Variants in ACSS3 observed in about 807,000 individuals in gnomAD.
ACSS3 encodes acyl-CoA synthetase short-chain family member 3, mitochondrial.
A neutral mutation model predicts 84.2 loss-of-function variants in ACSS3; 64 were observed. The observed-to-expected ratio is 0.76, with a 90% CI of 0.62 to 0.94. The LOEUF is 0.94. Among genes scored for constraint, ACSS3 ranks in the 40% least tolerant of loss-of-function variants. The pLI, the probability that ACSS3 is intolerant of heterozygous loss-of-function variation, is 0.00. For synonymous variants in ACSS3, 317 were observed against 310.1 expected, an observed-to-expected ratio of 1.02 and a Z score of -0.23; for missense variants, 815 against 867.6, an observed-to-expected ratio of 0.94 and a Z score of 0.76.
At position 81,258,060 on chromosome 12, in the gene ACSS3, GA is replaced by G. The variant is rs1287916986; in HGVS notation, c.*3141del. The stretch of plus-strand genomic sequence containing the variant: ...AGATGCCCATGTTTAGATGAGCTTA[GA>G]AAGCTACTTCTCATTGTTCCTACTC... On this transcript the variant is annotated 3_prime_UTR_variant, in exon 16 of 16. Coordinates refer to ENST00000548058, the MANE Select transcript of ACSS3 (RefSeq NM_024560.4). 1 of 151,992 alleles carries G rather than the reference GA, an allele frequency of 6.6e-6. No homozygotes were observed. The highest frequency in any genetic ancestry group is 1.5e-5 in the Non-Finnish European group (1 of 67,974). The allele number at this position is 151,992 out of a possible 1,614,324, so 9.4% of individuals were successfully genotyped here.
intron 7 of ACSS3, chr12:81,158,281 A>G (rs1886980361): frequency 6.6e-6 from 1 of 152,492 alleles, no homozygotes; most frequent in Non-Finnish European, 1.5e-5. Flanking sequence ...ACAAATTCAT[A>G]AAACTACCTC....
At chr12:81,170,590 G>A (rs1338142845) in intron 7 of ACSS3, among the ~76,000 whole-genome samples, 2 of 152,010 alleles carry the variant, frequency 1.3e-5, no homozygotes, top group Non-Finnish European at 2.9e-5. Context: ...TAAACAACTG[G>A]TAACCACATT....
chr12:81,237,498 T>G (rs1003072605), intron 13 of ACSS3, among the ~76,000 whole-genome samples: 1 of 151,686 alleles, frequency 6.6e-6, no homozygotes, highest in Non-Finnish European at 1.5e-5. Context: ...GGATTGTCTT[T>G]TTTTCTTAAA....
chr12:81,204,362 C>T (rs1476065276), intron 9 of ACSS3, among the ~76,000 whole-genome samples: 2 of 147,504 alleles, frequency 1.4e-5, no homozygotes, highest in African/African-American at 5.1e-5. Context: ...CCCTTCCTCC[C>T]TCCCCCCTCG....
intron 7 of ACSS3, among the ~76,000 whole-genome samples, chr12:81,165,904 TTGAG>T (rs1345461346): frequency 5.9e-5 from 9 of 152,190 alleles, no homozygotes; most frequent in African/African-American, 9.6e-5. Context: ...TTATTATTGA[TTGAG>T]TGTTGAGTGA....
intron 11 of ACSS3, among the ~76,000 whole-genome samples, chr12:81,226,581 A>G (rs2033279757): frequency 6.6e-6 from 1 of 151,866 alleles, no homozygotes; most frequent in East Asian, 1.9e-4. Context: ...AACTAAACAA[A>G]TTATTTGTCA....
intron 1 of ACSS3, among the ~76,000 whole-genome samples, chr12:81,101,600 T>C (rs577147674): frequency 6.6e-6 from 1 of 152,302 alleles, no homozygotes; most frequent in African/African-American, 2.4e-5. Flanking sequence ...ATATCACATA[T>C]ACATTGCATT....
chr12:81,231,193 C>A (rs2033450375), intron 12 of ACSS3, 55 bp downstream of exon 12: 1 of 1,370,026 alleles, frequency 7.3e-7, no homozygotes, highest in Non-Finnish European at 1.0e-6. Flanking sequence ...ATAATTCTTG[C>A]CTATTAAATT....
In ACSS3 at chr12:81,160,904, T is replaced by C. The variant is rs562872145; in HGVS notation, c.1098+8808T>C. Among the ~76,000 whole-genome samples the C allele has an allele frequency of 2.1e-4, 32 of 152,324 alleles. No individual in the cohort carries two copies. The South Asian group carries it at 6.0e-3, about 29-fold the overall frequency. On this transcript the variant is annotated intron_variant, in intron 7 of 15. Transcript: ENST00000548058. The stretch of plus-strand genomic sequence containing the variant: ...TTTACTGCTTTCTGCCTTAGTCTTC[T>C]GAACTATAATTATCAGTAGTAATAA...
chr12:81,112,835 A>G (rs1452944247), intron 2 of ACSS3, among the ~76,000 whole-genome samples: 1 of 152,196 alleles, frequency 6.6e-6, no homozygotes, highest in African/African-American at 2.4e-5. Flanking sequence ...ATAATACTTG[A>G]TTAAATTTGT....
intron 1 of ACSS3, chr12:81,094,547 A>AT (rs1389694826): frequency 6.6e-6 from 1 of 152,210 alleles, no homozygotes; most frequent in East Asian, 1.9e-4. Flanking sequence ...CTTTTTGGAC[A>AT]TTCTCAAATG....
intron 9 of ACSS3, among the ~76,000 whole-genome samples, chr12:81,205,774 C>T (rs760608709): frequency 1.3e-5 from 2 of 152,134 alleles, no homozygotes; most frequent in East Asian, 3.9e-4. Context: ...TATATTTAGG[C>T]TATAATAAGG....
intron 1 of ACSS3, among the ~76,000 whole-genome samples, chr12:81,097,904 T>G (rs1882182774): frequency 6.6e-6 from 1 of 152,134 alleles, no homozygotes; most frequent in African/African-American, 2.4e-5. Context: ...TGAGGATTAT[T>G]GGATGTAGTA....
At chr12:81,227,863 T>C (rs780284317) in intron 11 of ACSS3, among the ~76,000 whole-genome samples, 5 of 151,842 alleles carry the variant, frequency 3.3e-5, no homozygotes, top group African/African-American at 9.7e-5. Flanking sequence ...CTCATTCTTT[T>C]AGTTTTATCT....
intron 13 of ACSS3, among the ~76,000 whole-genome samples, chr12:81,252,632 C>T (rs953883176): frequency 7.2e-5 from 11 of 151,990 alleles, no homozygotes; most frequent in Admixed American, 7.2e-4. Context: ...CCCTAAGCGT[C>T]TGTATTTTAT....
intron 1 of ACSS3, among the ~76,000 whole-genome samples, chr12:81,107,554 ATAT>A: frequency 9.6e-6 from 1 of 104,494 alleles, no homozygotes; most frequent in Non-Finnish European, 2.0e-5. Flanking sequence ...ATATATATAT[ATAT>A]ATAAATGTTT....
chr12:81,233,981 C>T (rs1455266168), intron 13 of ACSS3, among the ~76,000 whole-genome samples: 1 of 151,480 alleles, frequency 6.6e-6, no homozygotes, highest in Non-Finnish European at 1.5e-5. Flanking sequence ...TATACTAATA[C>T]AGTTTCTTGT....
rs199939705 is a variant in ACSS3 at position 81,174,907 on chromosome 12, G to A, written c.1218G>A (p.Gly406=). The part of the protein sequence containing the change: ...AIRAIRQQDP[G]AALGKQYSLT... ...GAGCAATCCGTCAACAGGACCCTGG[G>A]GCAGCTTTGGGGAAGCAGTACTCTC... Residue 406 remains glycine, a synonymous_variant, in exon 8 of 16, where the codon GGG becomes GGA. Coordinates refer to ENST00000548058, the MANE Select transcript of ACSS3 (RefSeq NM_024560.4). 1.4e-4 allele frequency: 218 copies of A among 1,613,906 alleles called. No homozygotes were observed. The Admixed American group carries it at 3.5e-3, about 26-fold the overall frequency.
At chr12:81,185,213 T>C (rs2031183359) in intron 8 of ACSS3, among the ~76,000 whole-genome samples, 1 of 151,678 alleles carries the variant, frequency 6.6e-6, no homozygotes, top group Non-Finnish European at 1.5e-5. Flanking sequence ...TTTATAATAA[T>C]AAAGACTTTA....
Sources: gnomAD v4.1 joint callset for allele counts (sites outside exome capture counted in the v4.1 genomes callset) on GRCh38, gnomAD v4.1.1 for gene constraint, MANE v1.5 for transcripts, NCBI Gene and HGNC (gene_info 2026-07-23, HGNC 2026-07-21) for gene names.